The following PKIB variants were observed in gnomAD, a reference collection of about 807,000 sequenced individuals.
PKIB encodes PKI-beta.
A neutral mutation model predicts 4.5 loss-of-function variants in PKIB; 2 were observed. That is an observed-to-expected ratio of 0.44 (90% CI 0.18 to 1.39). PKIB has a LOEUF of 1.39. PKIB is among the 40% of genes most tolerant of loss of function. PKIB has a pLI of 0.27. For missense variants in PKIB, 94 were observed against 92.6 expected (o/e 1.02, Z -0.06); for synonymous variants, 38 against 36.0 (o/e 1.06, Z -0.20).
chr6:122,593,391 G>C (rs954660701), intron 3 of PKIB, among the ~76,000 whole-genome samples: 7 of 152,244 alleles, frequency 4.6e-5, no homozygotes, highest in Non-Finnish European at 5.9e-5. Flanking sequence ...TGGGGAAATG[G>C]AGACATTCAT....
At chr6:122,473,106 G>A (rs983107945) in intron 1 of PKIB, among the ~76,000 whole-genome samples, 11 of 151,870 alleles carry the variant, frequency 7.2e-5, no homozygotes, top group Non-Finnish European at 1.5e-4. Flanking sequence ...GCGAGACTCC[G>A]TCTCAAAAAA....
Position 122,512,045 on chromosome 6 carries a change from A to G in PKIB, c.-248+34106A>G, listed in dbSNP as rs1009171298. On this transcript the variant is annotated intron_variant, in intron 2 of 6. Transcript: ENST00000392491. ...GGCTTTCCACAACTTATTGTCCCATATTTTTAGGGCAAGTTTATACAGGCA... is the reference window on the plus strand; with the variant it reads ...GGCTTTCCACAACTTATTGTCCCATGTTTTTAGGGCAAGTTTATACAGGCA... 2.6e-5 allele frequency among the ~76,000 whole-genome samples: 4 copies of G among 152,074 alleles called. No homozygotes were observed. The East Asian group carries it at 7.7e-4, about 29-fold the overall frequency.
intron 2 of PKIB, among the ~76,000 whole-genome samples, chr6:122,575,579 C>G (rs1181955425): frequency 6.6e-6 from 1 of 152,124 alleles, no homozygotes; most frequent in Non-Finnish European, 1.5e-5. Flanking sequence ...TGGAATACTA[C>G]TCAGCCATAA....
intron 2 of PKIB, among the ~76,000 whole-genome samples, chr6:122,649,193 T>C (rs1186275133): frequency 2.6e-5 from 4 of 152,194 alleles, no homozygotes; most frequent in African/African-American, 4.8e-5. Context: ...TCATGTTCCT[T>C]TTAAGTTGAT....
intron 2 of PKIB, among the ~76,000 whole-genome samples, chr6:122,547,627 C>G (rs1419571403): frequency 6.6e-6 from 1 of 151,086 alleles, no homozygotes; most frequent in Non-Finnish European, 1.5e-5. Flanking sequence ...CGTGAGCCAC[C>G]GCGCCCGGCC....
chr6:122,634,963 A>G (rs1027056453), intron 2 of PKIB, among the ~76,000 whole-genome samples: 3 of 151,506 alleles, frequency 2.0e-5, no homozygotes, highest in African/African-American at 7.3e-5. Context: ...AAAAAAGAAT[A>G]GCATGTCTTA....
intron 2 of PKIB, among the ~76,000 whole-genome samples, chr6:122,671,737 G>T (rs1464811375): frequency 1.8e-4 from 28 of 152,136 alleles, no homozygotes; most frequent in Admixed American, 1.8e-3. Context: ...TATTTTTACA[G>T]TGTATGGCAT....
chr6:122,700,699 C>T (rs562721895), intron 3 of PKIB, among the ~76,000 whole-genome samples: 1 of 152,252 alleles, frequency 6.6e-6, no homozygotes, highest in South Asian at 2.1e-4. Context: ...GCACAAATTC[C>T]CTGAGAATAT....
intron 2 of PKIB, among the ~76,000 whole-genome samples, chr6:122,668,383 G>A (rs1367518096): frequency 6.6e-6 from 1 of 152,174 alleles, no homozygotes. Context: ...CTCTTCAAAG[G>A]AAGAGAGAGG....
intron 3 of PKIB, among the ~76,000 whole-genome samples, chr6:122,596,060 T>C (rs138511362): frequency 3.9e-5 from 6 of 152,210 alleles, no homozygotes; most frequent in African/African-American, 1.4e-4. Context: ...AGCCAAACCA[T>C]TGGCTATAGC....
At chr6:122,597,842 C>A (rs890890416) in intron 3 of PKIB, among the ~76,000 whole-genome samples, 6 of 152,088 alleles carry the variant, frequency 3.9e-5, no homozygotes, top group African/African-American at 7.2e-5. Flanking sequence ...GTCTGGGGAC[C>A]AACTGGACCC....
intron 2 of PKIB, among the ~76,000 whole-genome samples, chr6:122,554,181 A>G (rs1772771023): frequency 6.6e-6 from 1 of 152,224 alleles, no homozygotes; most frequent in African/African-American, 2.4e-5. Flanking sequence ...CTACTAGACT[A>G]CATTACTGTG....
chr6:122,691,337 G>A (rs1472749369), intron 3 of PKIB, among the ~76,000 whole-genome samples: 1 of 151,852 alleles, frequency 6.6e-6, no homozygotes, highest in Non-Finnish European at 1.5e-5. Flanking sequence ...CTTTTTGAGG[G>A]TATTTTCTAG....
intron 2 of PKIB, among the ~76,000 whole-genome samples, chr6:122,503,427 T>C (rs1776304686): frequency 6.6e-6 from 1 of 152,228 alleles, no homozygotes; most frequent in Admixed American, 6.5e-5. Context: ...TATTTCTGTT[T>C]ATTAAAACTC....
chr6:122,685,041 T>C (rs887357387), intron 3 of PKIB, among the ~76,000 whole-genome samples: 1 of 152,164 alleles, frequency 6.6e-6, no homozygotes, highest in African/African-American at 2.4e-5. Flanking sequence ...TTCCAGCTGC[T>C]AAACTTCTCA....
chr6:122,585,195 C>T (rs1394825700), intron 2 of PKIB, among the ~76,000 whole-genome samples: 2 of 152,152 alleles, frequency 1.3e-5, no homozygotes, highest in Non-Finnish European at 2.9e-5. Flanking sequence ...TGATGTCTAA[C>T]ACCACCAGCT....
rs578130925 is a variant in PKIB at position 122,565,886 on chromosome 6, C to CT, written c.-247-20032dup. ...ATGGCCAGATCTGAATTTGTGAGTG[C>CT]TTTAATGACATCATCACAAATCTGT... On this transcript the variant is annotated intron_variant, in intron 2 of 6. Transcript: ENST00000392491. 1.6e-4 allele frequency among the ~76,000 whole-genome samples: 24 copies of CT among 152,282 alleles called. No homozygotes were observed. The East Asian group carries it at 4.1e-3, about 26-fold the overall frequency.
intron 3 of PKIB, among the ~76,000 whole-genome samples, chr6:122,689,945 A>G (rs1200601144): frequency 1.3e-5 from 2 of 152,072 alleles, no homozygotes; most frequent in East Asian, 3.9e-4. Context: ...CTAGTGTTGG[A>G]TGCATATATA....
chr6:122,610,092 AATCTT>A (rs1176183194), upstream of PKIB: 1 of 152,224 alleles, frequency 6.6e-6, no homozygotes, highest in Non-Finnish European at 1.5e-5. Flanking sequence ...ACGTCACAGA[AATCTT>A]AGCAGAACCT....
Sources: gnomAD v4.1 joint callset for allele counts (sites outside exome capture counted in the v4.1 genomes callset) on GRCh38, gnomAD v4.1.1 for gene constraint, MANE v1.5 for transcripts, NCBI Gene and HGNC (gene_info 2026-07-23, HGNC 2026-07-21) for gene names.